The following TPH2 variants were observed in gnomAD, a reference collection of about 807,000 sequenced individuals.
TPH2 encodes the protein tryptophan hydroxylase 2, also known as tryptophan 5-hydroxylase 2.
In TPH2, 27 loss-of-function variants were observed where a neutral mutation model predicts 59.1. The observed-to-expected ratio is 0.46, with a 90% CI of 0.34 to 0.63. TPH2 has a LOEUF of 0.63. Ranked by LOEUF, TPH2 falls within the 30% of genes least tolerant of loss-of-function variation. The pLI, the probability that TPH2 is intolerant of heterozygous loss-of-function variation, is 0.01. For missense variants in TPH2, 523 were observed against 588.3 expected (o/e 0.89, Z 1.15); for synonymous variants, 220 against 210.5 (o/e 1.05, Z -0.39).
chr12:72,003,582 G>A (rs1248320900), intron 8 of TPH2, among the ~76,000 whole-genome samples: 1 of 151,954 alleles, frequency 6.6e-6, no homozygotes, highest in Admixed American at 6.6e-5. Flanking sequence ...TGGGTGCTCT[G>A]AGGCTACACT....
intron 8 of TPH2, among the ~76,000 whole-genome samples, chr12:72,004,249 A>G (rs1872895230): frequency 6.6e-6 from 1 of 150,546 alleles, no homozygotes; most frequent in African/African-American, 2.4e-5. Flanking sequence ...CAAAGAAACA[A>G]ATTATATTAC....
chr12:71,944,700 A>G lies in TPH2; in HGVS notation c.540+14A>G. The G allele has an allele frequency of 1.2e-6, 2 of 1,611,302 alleles. No individual in the cohort carries two copies. The highest frequency in any genetic ancestry group is 2.2e-5 in the South Asian group (2 of 91,018). Reference sequence around the variant, plus strand: ...GCTGACCACCCAGTAAGTGTCCAGTAAAATCTATTTCTCACATGCTCTTTC... The same window carrying G: ...GCTGACCACCCAGTAAGTGTCCAGTGAAATCTATTTCTCACATGCTCTTTC... On this transcript the variant is annotated intron_variant, in intron 4 of 10. Coordinates refer to ENST00000333850, the MANE Select transcript of TPH2 (RefSeq NM_173353.4).
In TPH2 at chr12:71,972,808, G is replaced by T. The variant is rs1173547076; in HGVS notation, c.805+93G>T. Reference sequence around the variant, plus strand: ...CAGCAATGGCTCTTTTTCCAAAAAAGGAAAAACAGTGATTTAAAAAATTGT... The same window carrying T: ...CAGCAATGGCTCTTTTTCCAAAAAATGAAAAACAGTGATTTAAAAAATTGT... On this transcript the variant is annotated intron_variant, in intron 6 of 10. Coordinates refer to ENST00000333850, the MANE Select transcript of TPH2 (RefSeq NM_173353.4). 5 of 1,329,112 alleles carry T rather than the reference G, an allele frequency of 3.8e-6. No individual in the cohort carries two copies. The East Asian group carries it at 9.2e-5, about 24-fold the overall frequency. 82.3% of individuals were successfully genotyped at this position (1,329,112 alleles called of 1,614,324 possible).
intron 5 of TPH2, among the ~76,000 whole-genome samples, chr12:71,957,061 G>T (rs559340744): frequency 5.3e-5 from 8 of 152,150 alleles, no homozygotes; most frequent in Non-Finnish European, 1.2e-4. Flanking sequence ...ACAGAATTAG[G>T]TTTGAATTCC....
intron 8 of TPH2, among the ~76,000 whole-genome samples, chr12:72,015,833 G>T (rs1873233615): frequency 6.6e-6 from 1 of 152,184 alleles, no homozygotes; most frequent in Non-Finnish European, 1.5e-5. Flanking sequence ...AGTGGCAGTG[G>T]TGGGGAGGGT....
At chr12:72,027,916 A>G (rs1873612962) in intron 9 of TPH2, among the ~76,000 whole-genome samples, 1 of 152,166 alleles carries the variant, frequency 6.6e-6, no homozygotes, top group Admixed American at 6.5e-5. Flanking sequence ...ATCTAGGTCA[A>G]TCTTTTCAGT....
chr12:71,939,427 A>G (rs546096927), intron 1 of TPH2, among the ~76,000 whole-genome samples: 1 of 151,378 alleles, frequency 6.6e-6, no homozygotes, highest in Non-Finnish European at 1.5e-5. Flanking sequence ...GAGTGTGAAG[A>G]ATTTTGAAAA....
chr12:71,954,304 G>A (rs1484475779), intron 5 of TPH2, among the ~76,000 whole-genome samples: 1 of 152,112 alleles, frequency 6.6e-6, no homozygotes, highest in Non-Finnish European at 1.5e-5. Flanking sequence ...GTGTGGGAAG[G>A]CCTAATTGCC....
chr12:72,012,190 A>T (rs576874033), intron 8 of TPH2, among the ~76,000 whole-genome samples: 3 of 152,034 alleles, frequency 2.0e-5, no homozygotes, highest in Non-Finnish European at 4.4e-5. Context: ...CAACAACAAC[A>T]ACAACAATAA....
At chr12:72,027,811 T>C (rs1873610866) in intron 9 of TPH2, among the ~76,000 whole-genome samples, 1 of 152,150 alleles carries the variant, frequency 6.6e-6, no homozygotes, top group South Asian at 2.1e-4. Flanking sequence ...CTATGGTCAA[T>C]TTACTGTGGC....
Position 72,031,890 on chromosome 12 carries a change from C to T in TPH2, c.*195C>T. On this transcript the variant is annotated 3_prime_UTR_variant, in exon 11 of 11. Coordinates refer to ENST00000333850, the MANE Select transcript of TPH2 (RefSeq NM_173353.4). ...AGAAATCCAATGGCAGATAACCACT[C>T]ATTGTATGAAATAACGTATTATGTT... 1 of 645,024 alleles carries T rather than the reference C, an allele frequency of 1.6e-6. No individual in the cohort carries two copies. Among genetic ancestry groups the T allele is most frequent in the Non-Finnish European group, 2.7e-6 (1 of 365,030 alleles). The allele number at this position is 645,024 out of a possible 1,614,324, so 40.0% of individuals were successfully genotyped here. A position where few individuals can be genotyped will look rare whatever the true frequency, so the allele number is the denominator to read the frequency against.
In TPH2 at chr12:71,941,585, T is replaced by G. The variant is rs199775778; in HGVS notation, c.107T>G (p.Leu36Arg). The G allele has an allele frequency of 1.5e-5, 24 of 1,613,658 alleles. No individual in the cohort carries two copies. Among genetic ancestry groups the G allele is most frequent in the Non-Finnish European group, 1.9e-5 (23 of 1,179,852 alleles). Residue 36 changes from leucine to arginine, a missense_variant and splice_region_variant, in exon 2 of 11, where the codon CTA becomes CGA. By Grantham distance (102) the Leu-to-Arg change is moderately radical. Transcript: ENST00000333850. ...EEHQLLGSST[L>R]NKPNSGKNDD... Reference sequence around the variant, plus strand: ...TATTATGCTTCGACATTCCTGAAGCTAAATAAACCTAACTCTGGCAAAAAT... The same window carrying G: ...TATTATGCTTCGACATTCCTGAAGCGAAATAAACCTAACTCTGGCAAAAAT...
intron 8 of TPH2, among the ~76,000 whole-genome samples, chr12:72,020,687 A>T (rs1051237576): frequency 2.0e-5 from 3 of 152,034 alleles, no homozygotes; most frequent in Non-Finnish European, 4.4e-5. Flanking sequence ...GGGTTTCACC[A>T]TATTGGCCAG....
chr12:72,028,521 A>G (rs762818276), intron 9 of TPH2, among the ~76,000 whole-genome samples: 2 of 152,158 alleles, frequency 1.3e-5, no homozygotes, highest in African/African-American at 2.4e-5. Context: ...CATGGGCTGC[A>G]TGGATGTTCC....
At chr12:72,028,750 G>T (rs1228592663) in intron 9 of TPH2, among the ~76,000 whole-genome samples, 1 of 152,218 alleles carries the variant, frequency 6.6e-6, no homozygotes, top group Non-Finnish European at 1.5e-5. Context: ...GTCTCCAGCA[G>T]GTAACCAGCA....
At chr12:71,971,234 G>A (rs761361382) in intron 5 of TPH2, among the ~76,000 whole-genome samples, 1 of 152,178 alleles carries the variant, frequency 6.6e-6, no homozygotes, top group Non-Finnish European at 1.5e-5. Context: ...CCTGCTACAG[G>A]CTGGATTTGT....
At chr12:72,019,605 A>G (rs1421406429) in intron 8 of TPH2, among the ~76,000 whole-genome samples, 1 of 152,202 alleles carries the variant, frequency 6.6e-6, no homozygotes, top group Non-Finnish European at 1.5e-5. Context: ...TTGACATATT[A>G]TATGGTTTTG....
In TPH2 at chr12:71,969,221, T is replaced by C. The variant is rs144591191; in HGVS notation, c.609-3298T>C. ...TGGCGTGAACCCGGGAGGCGGAGCT[T>C]GCAGTGAGCCGGGATTACACCACTG... On this transcript the variant is annotated intron_variant, in intron 5 of 10. Transcript: ENST00000333850. Among the ~76,000 whole-genome samples the C allele has an allele frequency of 1.5e-3, 230 of 152,238 alleles. 1 individual carries two copies. The highest frequency in any genetic ancestry group is 5.4e-3 in the African/African-American group (224 of 41,546).
chr12:71,955,029 C>T (rs1366997581), intron 5 of TPH2, among the ~76,000 whole-genome samples: 6 of 152,156 alleles, frequency 3.9e-5, no homozygotes, highest in Non-Finnish European at 8.8e-5. Context: ...ATGTTCTTCT[C>T]ATGGGGCTGC....
Sources: allele counts gnomAD v4.1 joint callset (sites outside exome capture counted in the v4.1 genomes callset), GRCh38; gene constraint gnomAD v4.1.1; transcripts MANE v1.5; gene names NCBI Gene and HGNC (gene_info 2026-07-23, HGNC 2026-07-21).